CDH18: variants seen among roughly 807,000 people sequenced by gnomAD.
The protein encoded by CDH18 is cadherin-18.
CDH18 carries 31 observed loss-of-function variants against 67.9 expected under a neutral mutation model. The observed-to-expected ratio is 0.46, with a 90% CI of 0.34 to 0.62. The LOEUF (loss-of-function observed/expected upper bound fraction) is 0.62. Ranked by LOEUF, CDH18 falls within the 20% of genes least tolerant of loss-of-function variation. The pLI is 0.01. For synonymous variants in CDH18, 362 were observed against 347.2 expected (o/e 1.04, Z -0.48); for missense variants, 890 against 975.5 (o/e 0.91, Z 1.17).
chr5:20,020,852 GAGA>G (rs1464529664), intron 2 of CDH18, among the ~76,000 whole-genome samples: 2 of 152,134 alleles, frequency 1.3e-5, no homozygotes, highest in African/African-American at 4.8e-5. Flanking sequence ...GTGTAGCTAT[GAGA>G]AGAAGACCAC....
At position 20,188,440 on chromosome 5, in the gene CDH18, A is replaced by G. The variant is rs140116610; in HGVS notation, c.-518+67004T>C. Among the ~76,000 whole-genome samples the G allele has an allele frequency of 1.6e-3, 240 of 152,160 alleles. 2 individuals carry two copies. The highest frequency in any genetic ancestry group is 4.3e-3 in the African/African-American group (177 of 41,564). ...CATACCCACATTGGTACCATGGTTG[A>G]CCATTTTCATCATCAGCAGCATCAT... On this transcript the variant is annotated intron_variant, in intron 2 of 14. Coordinates refer to the CDH18 transcript ENST00000507958.
chr5:20,006,542 A>C (rs2150408911), intron 2 of CDH18, among the ~76,000 whole-genome samples: 1 of 152,090 alleles, frequency 6.6e-6, no homozygotes, highest in East Asian at 1.9e-4. Context: ...GAAACAAATA[A>C]GTGTTAGTGC....
chr5:20,408,725 T>A (rs1746513964), intron 1 of CDH18, among the ~76,000 whole-genome samples: 1 of 151,868 alleles, frequency 6.6e-6, no homozygotes, highest in African/African-American at 2.4e-5. Context: ...ATGGGCATAG[T>A]AAATTCTTCC....
At chr5:20,481,823 C>CA (rs1394650653) in intron 1 of CDH18, among the ~76,000 whole-genome samples, 4 of 151,750 alleles carry the variant, frequency 2.6e-5, no homozygotes, top group Non-Finnish European at 5.9e-5. Flanking sequence ...GGAAGGTATA[C>CA]AACAATAAGC....
At chr5:19,984,760 G>A (rs531756881) in intron 1 of CDH18, among the ~76,000 whole-genome samples, 1 of 152,274 alleles carries the variant, frequency 6.6e-6, no homozygotes, top group Non-Finnish European at 1.5e-5. Context: ...CGCATGATGC[G>A]TTAATCCATG....
intron 1 of CDH18, among the ~76,000 whole-genome samples, chr5:20,283,436 A>C (rs1746442879): frequency 6.6e-6 from 1 of 152,260 alleles, no homozygotes; most frequent in East Asian, 1.9e-4. Context: ...ATCAATGGGC[A>C]AAAAATCTGA....
intron 3 of CDH18, among the ~76,000 whole-genome samples, chr5:19,762,958 T>G (rs995224821): frequency 3.9e-5 from 6 of 152,128 alleles, no homozygotes; most frequent in African/African-American, 1.4e-4. Flanking sequence ...GGGACATGGA[T>G]GAAGCTGGAA....
intron 2 of CDH18, among the ~76,000 whole-genome samples, chr5:20,052,186 C>A (rs1209792479): frequency 1.3e-5 from 2 of 152,090 alleles, no homozygotes; most frequent in Non-Finnish European, 2.9e-5. Flanking sequence ...CTAAGTTCTA[C>A]AGGAATTGAA....
At chr5:19,492,068 C>CA (rs140715308) in intron 11 of CDH18, among the ~76,000 whole-genome samples, 2,810 of 149,862 alleles carry the variant, frequency 0.019, 39 homozygotes, top group African/African-American at 0.038. Context: ...AGCAAATCAT[C>CA]AAAAAAAAAT....
chr5:20,139,261 A>G (rs1750025487), intron 2 of CDH18, among the ~76,000 whole-genome samples: 1 of 152,180 alleles, frequency 6.6e-6, no homozygotes, highest in Non-Finnish European at 1.5e-5. Flanking sequence ...CTGGCTAGCC[A>G]TATGTAGAAA....
chr5:19,674,915 G>A (rs1481970621), intron 5 of CDH18, among the ~76,000 whole-genome samples: 1 of 152,032 alleles, frequency 6.6e-6, no homozygotes, highest in Non-Finnish European at 1.5e-5. Flanking sequence ...AAGAAGAAAC[G>A]GTCATTTATC....
chr5:19,544,324 T>G (rs1453002231), intron 8 of CDH18, among the ~76,000 whole-genome samples: 1 of 152,064 alleles, frequency 6.6e-6, no homozygotes, highest in Non-Finnish European at 1.5e-5. Context: ...GCCTATAATA[T>G]GTTTAATGAA....
intron 2 of CDH18, among the ~76,000 whole-genome samples, chr5:20,216,565 G>T (rs780731334): frequency 7.2e-5 from 11 of 151,890 alleles, no homozygotes; most frequent in Non-Finnish European, 1.5e-4. Flanking sequence ...ATGCCCCCAT[G>T]AATTTCTTCC....
At position 20,525,915 on chromosome 5, in the gene CDH18, T is replaced by C. The variant is rs150669602; in HGVS notation, c.-580+49547A>G. Among the ~76,000 whole-genome samples, 321 of 152,322 alleles carry C rather than the reference T, an allele frequency of 2.1e-3. 3 individuals carry two copies. The highest frequency in any genetic ancestry group is 7.5e-3 in the African/African-American group (311 of 41,576). ...CTCAAAAGTTTTTAAAGTCCAAATG[T>C]ATCCTTCTCTGAATTTAAAGAAAAA... is the stretch of plus-strand genomic sequence containing the variant. On this transcript the variant is annotated intron_variant, in intron 1 of 14. Coordinates refer to the CDH18 transcript ENST00000507958.
At chr5:19,721,892 T>G (rs2150580630) in intron 4 of CDH18, among the ~76,000 whole-genome samples, 1 of 152,320 alleles carries the variant, frequency 6.6e-6, no homozygotes, top group East Asian at 1.9e-4. Context: ...TGGAATGATT[T>G]GTGATTAAGT....
At chr5:19,576,663 T>C (rs1242962567) in intron 7 of CDH18, among the ~76,000 whole-genome samples, 6 of 152,164 alleles carry the variant, frequency 3.9e-5, no homozygotes. Context: ...TACAGCCATT[T>C]TGGAAAAAAG....
intron 3 of CDH18, among the ~76,000 whole-genome samples, chr5:19,747,716 C>A (rs1770212408): frequency 6.6e-6 from 1 of 150,952 alleles, no homozygotes; most frequent in South Asian, 2.1e-4. Context: ...ACAAAAGAGG[C>A]ACATATTTAA....
intron 5 of CDH18, among the ~76,000 whole-genome samples, chr5:19,652,011 A>G (rs1755647919): frequency 6.6e-6 from 1 of 152,092 alleles, no homozygotes; most frequent in Non-Finnish European, 1.5e-5. Context: ...ATGATTAACG[A>G]TTCATAGCTA....
intron 1 of CDH18, among the ~76,000 whole-genome samples, chr5:20,345,769 A>G (rs1740647324): frequency 6.6e-6 from 1 of 152,134 alleles, no homozygotes; most frequent in Non-Finnish European, 1.5e-5. Context: ...AACCCTTGCA[A>G]GCAGGCACCA....
Sources: allele counts gnomAD v4.1 joint callset (sites outside exome capture counted in the v4.1 genomes callset), GRCh38; gene constraint gnomAD v4.1.1; transcripts MANE v1.5; gene names NCBI Gene and HGNC (gene_info 2026-07-23, HGNC 2026-07-21).